MGAT4C: variants seen among roughly 807,000 people sequenced by gnomAD.
MGAT4C encodes alpha-1,3-mannosyl-glycoprotein 4-beta-N-acetylglucosaminyltransferase C.
MGAT4C carries 19 observed loss-of-function variants against 40.1 expected under a neutral mutation model. That is an observed-to-expected ratio of 0.47 (90% CI 0.33 to 0.70). MGAT4C has a LOEUF of 0.70. Ranked by LOEUF, MGAT4C falls within the 30% of genes least tolerant of loss-of-function variation. MGAT4C has a pLI of 0.02. For synonymous variants in MGAT4C, 181 were observed against 187.1 expected, an observed-to-expected ratio of 0.97 and a Z score of 0.27; for missense variants, 491 against 563.2, an observed-to-expected ratio of 0.87 and a Z score of 1.30.
intron 1 of MGAT4C, among the ~76,000 whole-genome samples, chr12:86,109,676 G>A (rs1493407): frequency 0.81 from 122,801 of 151,886 alleles, 50,133 homozygotes; most frequent in East Asian, 0.97. Context: ...GAGAATGCAA[G>A]TTATATTGAT....
intron 4 of MGAT4C, among the ~76,000 whole-genome samples, chr12:86,277,960 C>A (rs1477686892): frequency 6.6e-6 from 1 of 152,020 alleles, no homozygotes; most frequent in Non-Finnish European, 1.5e-5. Context: ...ATAGAGATTG[C>A]ATTAAATCTA....
intron 2 of MGAT4C, among the ~76,000 whole-genome samples, chr12:86,605,897 T>C (rs913377135): frequency 6.6e-6 from 1 of 152,132 alleles, no homozygotes; most frequent in Admixed American, 6.6e-5. Context: ...AGTTATACTG[T>C]TATAAAGAAC....
chr12:86,125,501 A>T (rs1477839676), intron 1 of MGAT4C, among the ~76,000 whole-genome samples: 1 of 152,184 alleles, frequency 6.6e-6, no homozygotes. Context: ...AATGTTACAG[A>T]TCATCTCAAG....
chr12:86,590,613 T>C (rs1157875566), intron 2 of MGAT4C, among the ~76,000 whole-genome samples: 3 of 152,006 alleles, frequency 2.0e-5, no homozygotes, highest in Non-Finnish European at 2.9e-5. Flanking sequence ...AAAACATATT[T>C]TGTCATAATT....
At chr12:86,611,456 T>TAGATA (rs1555210960) in intron 2 of MGAT4C, among the ~76,000 whole-genome samples, 71 of 143,662 alleles carry the variant, frequency 4.9e-4, no homozygotes, top group East Asian at 1.1e-3. Flanking sequence ...GATAGATAGA[T>TAGATA]GATAGATAGA....
intron 1 of MGAT4C, among the ~76,000 whole-genome samples, chr12:86,162,456 A>G (rs551257175): frequency 5.9e-4 from 90 of 152,256 alleles, no homozygotes; most frequent in Middle Eastern, 6.8e-3. Context: ...ATACACATGG[A>G]CATAAATATT....
At chr12:86,571,697 T>C (rs572094921) in intron 2 of MGAT4C, among the ~76,000 whole-genome samples, 70 of 152,264 alleles carry the variant, frequency 4.6e-4, no homozygotes, top group Admixed American at 4.5e-3. Context: ...GCTTTAATCC[T>C]ACCTTAGCAT....
In MGAT4C at chr12:85,957,364, G is replaced by T. The variant is rs1026109456; in HGVS notation, c.*21925C>A. On this transcript the variant is annotated 3_prime_UTR_variant, in exon 5 of 5. Coordinates refer to ENST00000611864, the MANE Select transcript of MGAT4C (RefSeq NM_001351288.2). ...AAATCCCAGAAATTAATTATATTTG[G>T]GTCTCATTGAAGGGCATGGGCCAGA... is the stretch of plus-strand genomic sequence containing the variant. 6.6e-6 allele frequency: 1 copy of T among 152,072 alleles called. No homozygotes were observed. 9.4% of individuals were successfully genotyped at this position (152,072 alleles called of 1,614,324 possible).
chr12:86,151,471 G>A (rs1313522679), intron 1 of MGAT4C, among the ~76,000 whole-genome samples: 6 of 152,074 alleles, frequency 3.9e-5, no homozygotes, highest in Admixed American at 3.9e-4. Flanking sequence ...AAATTAGCCG[G>A]GCATGTTGGC....
chr12:86,838,363 T>C (rs1953083447), intron 1 of MGAT4C, among the ~76,000 whole-genome samples: 1 of 152,172 alleles, frequency 6.6e-6, no homozygotes, highest in African/African-American at 2.4e-5. Flanking sequence ...TCATTATATA[T>C]TGCAGCTACA....
intron 1 of MGAT4C, among the ~76,000 whole-genome samples, chr12:86,736,024 G>C (rs1257215320): frequency 6.6e-6 from 1 of 151,730 alleles, no homozygotes; most frequent in East Asian, 1.9e-4. Flanking sequence ...GCCTCTCTCT[G>C]TTGCTGTCAT....
chr12:86,386,247 C>G (rs551310083), intron 3 of MGAT4C, among the ~76,000 whole-genome samples: 1 of 152,276 alleles, frequency 6.6e-6, no homozygotes, highest in African/African-American at 2.4e-5. Flanking sequence ...CAACTATGTT[C>G]AAGGCACTGT....
intron 1 of MGAT4C, among the ~76,000 whole-genome samples, chr12:86,240,656 CT>C (rs1951746700): frequency 6.6e-6 from 1 of 152,104 alleles, no homozygotes; most frequent in African/African-American, 2.4e-5. Flanking sequence ...AGCCCCTCCC[CT>C]GACTCTCTTT....
chr12:86,111,491 A>G (rs182489406), intron 1 of MGAT4C, among the ~76,000 whole-genome samples: 1 of 151,930 alleles, frequency 6.6e-6, no homozygotes, highest in Admixed American at 6.6e-5. Context: ...TTCCAGAGAG[A>G]TGACAAATAT....
intron 2 of MGAT4C, among the ~76,000 whole-genome samples, chr12:86,599,380 C>A: frequency 6.6e-6 from 1 of 152,054 alleles, no homozygotes; most frequent in Admixed American, 6.6e-5. Context: ...TAACTTCTAG[C>A]TTATTGATGA....
chr12:86,613,786 A>G (rs537844696), intron 2 of MGAT4C, among the ~76,000 whole-genome samples: 1 of 152,294 alleles, frequency 6.6e-6, no homozygotes, highest in Non-Finnish European at 1.5e-5. Flanking sequence ...ATAAATGTCA[A>G]ATGGAACACA....
chr12:86,674,627 G>A (rs998471118), intron 2 of MGAT4C, among the ~76,000 whole-genome samples: 10 of 152,082 alleles, frequency 6.6e-5, no homozygotes, highest in Non-Finnish European at 1.3e-4. Context: ...AACCTGGGAG[G>A]CGGAGTTGCA....
intron 2 of MGAT4C, among the ~76,000 whole-genome samples, chr12:86,603,606 G>T (rs1158119315): frequency 1.0e-4 from 12 of 118,966 alleles, no homozygotes; most frequent in South Asian, 2.4e-4. Flanking sequence ...ATAGACTATA[G>T]ATAATATATA....
intron 4 of MGAT4C, among the ~76,000 whole-genome samples, chr12:86,293,951 T>C (rs886742162): frequency 6.6e-6 from 1 of 152,138 alleles, no homozygotes; most frequent in Non-Finnish European, 1.5e-5. Flanking sequence ...CTTTATGAAT[T>C]AATCCATAAA....
Sources: gnomAD v4.1 joint callset for allele counts (sites outside exome capture counted in the v4.1 genomes callset) on GRCh38, gnomAD v4.1.1 for gene constraint, MANE v1.5 for transcripts, NCBI Gene and HGNC (gene_info 2026-07-23, HGNC 2026-07-21) for gene names.